Variants in CHCHD6 observed in about 807,000 individuals in gnomAD.
CHCHD6 encodes the protein coiled-coil-helix-coiled-coil-helix domain containing 6.
Under a neutral mutation model 32.3 loss-of-function variants are expected in CHCHD6, and 28 were observed. The ratio of observed to expected loss-of-function variants is 0.87; its 90% CI spans 0.64 to 1.19. The LOEUF (loss-of-function observed/expected upper bound fraction) is 1.19, where lower values mean the gene tolerates loss of function less well. Among genes scored for constraint, CHCHD6 ranks in the 50% most tolerant of loss-of-function variants. CHCHD6 has a pLI of 0.00. For synonymous variants in CHCHD6, 122 were observed against 117.5 expected (o/e 1.04, Z -0.25); for missense variants, 333 against 307.0 (o/e 1.08, Z -0.63).
chr3:126,826,985 A>C (rs970533669), intron 4 of CHCHD6, among the ~76,000 whole-genome samples: 1 of 152,162 alleles, frequency 6.6e-6, no homozygotes, highest in Non-Finnish European at 1.5e-5. Context: ...GTAAATAGGA[A>C]TTAACAGGTG....
At chr3:126,720,358 C>T (rs1166025011) in intron 1 of CHCHD6, among the ~76,000 whole-genome samples, 2 of 152,206 alleles carry the variant, frequency 1.3e-5, no homozygotes, top group Admixed American at 1.3e-4. Context: ...TCACTGCTGA[C>T]CTCCCTCAGG....
At chr3:126,856,039 C>T (rs1382712969) in intron 5 of CHCHD6, among the ~76,000 whole-genome samples, 1 of 152,196 alleles carries the variant, frequency 6.6e-6, no homozygotes, top group Non-Finnish European at 1.5e-5. Context: ...GGTGGCCAAT[C>T]TCTTGGCTTC....
intron 5 of CHCHD6, among the ~76,000 whole-genome samples, chr3:126,864,818 G>GCATCATCTCCTCTTCCTCCTCCAC (rs1559890476): frequency 3.7e-5 from 1 of 26,736 alleles, no homozygotes; most frequent in African/African-American, 1.7e-4. Context: ...TCCTCCTCCA[G>GCATCATCTCCTCTTCCTCCTCCAC]CATCATCTCC....
intron 4 of CHCHD6, among the ~76,000 whole-genome samples, chr3:126,814,006 G>A (rs1939771221): frequency 6.6e-6 from 1 of 152,178 alleles, no homozygotes; most frequent in South Asian, 2.1e-4. Flanking sequence ...CTCCCCAGAG[G>A]AACCCAGCAT....
chr3:126,834,491 A>AG (rs1940774472), intron 4 of CHCHD6, among the ~76,000 whole-genome samples: 1 of 152,032 alleles, frequency 6.6e-6, no homozygotes, highest in Non-Finnish European at 1.5e-5. Context: ...GTGGAGCTGG[A>AG]GGGCCAGGCC....
At chr3:126,922,020 C>A (rs1370682536) in intron 6 of CHCHD6, among the ~76,000 whole-genome samples, 1 of 152,178 alleles carries the variant, frequency 6.6e-6, no homozygotes, top group Non-Finnish European at 1.5e-5. Context: ...AGGTAGATAA[C>A]CTTTGATGAC....
intron 4 of CHCHD6, among the ~76,000 whole-genome samples, chr3:126,763,504 T>A (rs62263274): frequency 0.035 from 5,279 of 152,076 alleles, 144 homozygotes; most frequent in Non-Finnish European, 0.05. Flanking sequence ...TTTTGTTTGT[T>A]TATTTGTTTG....
At chr3:126,911,288 G>A (rs1467438073) in intron 5 of CHCHD6, among the ~76,000 whole-genome samples, 5 of 152,184 alleles carry the variant, frequency 3.3e-5, no homozygotes, top group South Asian at 2.1e-4. Flanking sequence ...CAGTGTGCAC[G>A]TTGGTAGTGT....
chr3:126,725,997 C>T (rs775090533), intron 1 of CHCHD6, among the ~76,000 whole-genome samples: 2 of 152,218 alleles, frequency 1.3e-5, no homozygotes. Context: ...CACTTTCTTA[C>T]CATTCATGTG....
Position 126,761,400 on chromosome 3 carries a change from G to A in CHCHD6, c.411+28178G>A, listed in dbSNP as rs980238120. 4.6e-5 allele frequency among the ~76,000 whole-genome samples: 7 copies of A among 152,092 alleles called. No homozygotes were observed. In the East Asian group the frequency reaches 1.3e-3, roughly 29 times the overall value. ...GGACACCAATTATATGACATTTAGG[G>A]CCCACCATAATACAGTATAACTTCA... On this transcript the variant is annotated intron_variant, in intron 4 of 7. Transcript: ENST00000290913.
At chr3:126,809,162 C>T (rs1045358012) in intron 4 of CHCHD6, among the ~76,000 whole-genome samples, 26 of 152,226 alleles carry the variant, frequency 1.7e-4, no homozygotes, top group African/African-American at 5.3e-4. Context: ...TTAGCAGAGA[C>T]AGAGTTTTGC....
intron 5 of CHCHD6, among the ~76,000 whole-genome samples, chr3:126,853,093 A>G (rs1941533271): frequency 6.6e-6 from 1 of 152,162 alleles, no homozygotes; most frequent in African/African-American, 2.4e-5. Context: ...GGTAAAAATA[A>G]TAATAACGTG....
chr3:126,792,128 C>T (rs1166949220), intron 4 of CHCHD6, among the ~76,000 whole-genome samples: 1 of 151,778 alleles, frequency 6.6e-6, no homozygotes, highest in Non-Finnish European at 1.5e-5. Flanking sequence ...TTGATGGACA[C>T]TTGGGTTGCT....
At chr3:126,839,068 A>G (rs1330736946) in intron 4 of CHCHD6, among the ~76,000 whole-genome samples, 4 of 151,786 alleles carry the variant, frequency 2.6e-5, no homozygotes, top group Non-Finnish European at 5.9e-5. Flanking sequence ...TTTATTTTTA[A>G]TAGTAGAGAT....
At chr3:126,913,886 A>G (rs1235439567) in intron 5 of CHCHD6, among the ~76,000 whole-genome samples, 1 of 152,264 alleles carries the variant, frequency 6.6e-6, no homozygotes, top group Non-Finnish European at 1.5e-5. Context: ...GCAAAGTTCC[A>G]TAACCTACCC....
intron 5 of CHCHD6, among the ~76,000 whole-genome samples, chr3:126,881,747 A>G (rs2077613322): frequency 6.6e-6 from 1 of 152,190 alleles, no homozygotes; most frequent in African/African-American, 2.4e-5. Context: ...CTTAATGACT[A>G]TTGATTAAAA....
chr3:126,813,050 G>A (rs1039048198), intron 4 of CHCHD6, among the ~76,000 whole-genome samples: 3 of 152,150 alleles, frequency 2.0e-5, no homozygotes, highest in African/African-American at 7.2e-5. Flanking sequence ...TGCTGCGGAA[G>A]GATATGGAAT....
At chr3:126,766,317 A>T (rs1293677900) in intron 4 of CHCHD6, 2 of 379,978 alleles carry the variant, frequency 5.3e-6, no homozygotes, top group Admixed American at 3.6e-5. Flanking sequence ...TCTAAACAAA[A>T]ATGCACCTTA....
At chr3:126,882,801 A>G (rs2077629047) in intron 5 of CHCHD6, among the ~76,000 whole-genome samples, 1 of 152,158 alleles carries the variant, frequency 6.6e-6, no homozygotes, top group African/African-American at 2.4e-5. Flanking sequence ...TGAAATATAT[A>G]TTTGGTATTC....
Sources: allele counts gnomAD v4.1 joint callset (sites outside exome capture counted in the v4.1 genomes callset), GRCh38; gene constraint gnomAD v4.1.1; transcripts MANE v1.5; gene names NCBI Gene and HGNC (gene_info 2026-07-23, HGNC 2026-07-21).